The following RFX3 variants were observed in gnomAD, a reference collection of about 807,000 sequenced individuals.
The protein encoded by RFX3 is regulatory factor X3, also known as transcription factor RFX3.
Under a neutral mutation model 98.6 loss-of-function variants are expected in RFX3, and 14 were observed. The observed-to-expected ratio is 0.14, with a 90% CI of 0.09 to 0.22. The LOEUF (loss-of-function observed/expected upper bound fraction) is 0.22. RFX3 is among the 10% of genes least tolerant of loss of function. The probability of loss-of-function intolerance (pLI) is 1.00; values close to 1 mark genes in which losing one functional copy is unlikely to be tolerated. For synonymous variants in RFX3, 383 were observed against 328.4 expected, an observed-to-expected ratio of 1.17 and a Z score of -1.80; for missense variants, 639 against 926.9, an observed-to-expected ratio of 0.69 and a Z score of 4.03.
chr9:3,420,516 C>G (rs561815163), intron 1 of RFX3, among the ~76,000 whole-genome samples: 1 of 152,212 alleles, frequency 6.6e-6, no homozygotes, highest in South Asian at 2.1e-4. Flanking sequence ...TTATTAATAA[C>G]TGTATTTTGC....
At chr9:3,334,632 TGGA>T (rs754590520) in intron 3 of RFX3, among the ~76,000 whole-genome samples, 1 of 151,910 alleles carries the variant, frequency 6.6e-6, no homozygotes, top group Non-Finnish European at 1.5e-5. Flanking sequence ...CGTGCGACTG[TGGA>T]GAAGCCTTGG....
chr9:3,325,911 G>A (rs989413056), intron 4 of RFX3, among the ~76,000 whole-genome samples: 1 of 152,076 alleles, frequency 6.6e-6, no homozygotes, highest in African/African-American at 2.4e-5. Flanking sequence ...GATATAGTTA[G>A]AAGACAGATG....
chr9:3,248,548 A>C (rs928602152), intron 14 of RFX3, among the ~76,000 whole-genome samples: 1 of 152,238 alleles, frequency 6.6e-6, no homozygotes, highest in African/African-American at 2.4e-5. Flanking sequence ...AACTTGAGTG[A>C]AAATCCTATT....
chr9:3,231,746 C>T (rs1282338666), intron 15 of RFX3, among the ~76,000 whole-genome samples: 1 of 151,990 alleles, frequency 6.6e-6, no homozygotes, highest in African/African-American at 2.4e-5. Flanking sequence ...GGCCAGATGA[C>T]AAGATTAGGC....
At chr9:3,232,679 CT>C (rs2130727020) in intron 15 of RFX3, among the ~76,000 whole-genome samples, 1 of 151,826 alleles carries the variant, frequency 6.6e-6, no homozygotes, top group East Asian at 1.9e-4. Context: ...CATCTTACAG[CT>C]ATTGAAAACA....
At chr9:3,429,919 G>A (rs188222267) in intron 1 of RFX3, among the ~76,000 whole-genome samples, 73 of 152,194 alleles carry the variant, frequency 4.8e-4, no homozygotes, top group African/African-American at 1.6e-3. Context: ...TCCAACCCAC[G>A]GCCCACTTGC....
chr9:3,472,120 C>T (rs1041383149), intron 1 of RFX3, among the ~76,000 whole-genome samples: 10 of 152,150 alleles, frequency 6.6e-5, no homozygotes, highest in South Asian at 2.1e-4. Flanking sequence ...GGTTCTGTAA[C>T]GCACTGTATT....
chr9:3,420,748 C>A (rs1438591469), intron 1 of RFX3: 1 of 976,820 alleles, frequency 1.0e-6, no homozygotes, highest in African/African-American at 1.8e-5. Flanking sequence ...TCCATAACTG[C>A]CTTCATTCAT....
At chr9:3,438,621 A>AC (rs34721026) in intron 1 of RFX3, among the ~76,000 whole-genome samples, 27,362 of 151,922 alleles carry the variant, frequency 0.18, 3,460 homozygotes, top group African/African-American at 0.36. Flanking sequence ...GCAAGACACA[A>AC]CAACATGCTG....
At chr9:3,227,984 T>C (rs1352347346) in intron 16 of RFX3, among the ~76,000 whole-genome samples, 1 of 152,088 alleles carries the variant, frequency 6.6e-6, no homozygotes, top group Admixed American at 6.6e-5. Flanking sequence ...AGTGCATAGT[T>C]CTCCCCAGTT....
chr9:3,405,054 T>A (rs754015390), intron 1 of RFX3, among the ~76,000 whole-genome samples: 3 of 152,202 alleles, frequency 2.0e-5, no homozygotes, highest in Admixed American at 6.6e-5. Flanking sequence ...CATTGTACTA[T>A]CAAATTACAC....
rs77133572 is a variant in RFX3 at position 3,275,251 on chromosome 9, C to T, written c.1086+249G>A. 6.4e-4 allele frequency among the ~76,000 whole-genome samples: 98 copies of T among 152,122 alleles called. 1 individual carries two copies. In the East Asian group the frequency reaches 0.016, roughly 25 times the overall value. On this transcript the variant is annotated intron_variant, in intron 9 of 16. Transcript: ENST00000617270. ...CAAATACCTAGAGGTGGAATTGCTA[C>T]GCCAAAGGATTCATATTAGGATAGG...
chr9:3,332,694 G>A (rs1405583970), intron 3 of RFX3, among the ~76,000 whole-genome samples: 1 of 152,160 alleles, frequency 6.6e-6, no homozygotes, highest in Non-Finnish European at 1.5e-5. Context: ...TCATCAGGGG[G>A]TCGTGCCTAC....
intron 2 of RFX3, among the ~76,000 whole-genome samples, chr9:3,366,716 T>TTCTTTCTTTC (rs1837219051): frequency 7.2e-6 from 1 of 139,584 alleles, no homozygotes; most frequent in Non-Finnish European, 1.6e-5. Context: ...CTTTCTTTCT[T>TTCTTTCTTTC]TCTTTCTTTC....
At chr9:3,429,026 T>A (rs1455995395) in intron 1 of RFX3, among the ~76,000 whole-genome samples, 2 of 93,302 alleles carry the variant, frequency 2.1e-5, no homozygotes, top group African/African-American at 6.2e-5. Context: ...TTAGTTACTC[T>A]TTTTTTTTTT....
At chr9:3,521,809 T>G (rs1282190722) in intron 1 of RFX3, among the ~76,000 whole-genome samples, 1 of 152,186 alleles carries the variant, frequency 6.6e-6, no homozygotes, top group Non-Finnish European at 1.5e-5. Context: ...TGACAAAAGT[T>G]AACTTGTCAT....
chr9:3,226,101 T>C (rs1397551185), intron 16 of RFX3, among the ~76,000 whole-genome samples: 1 of 152,202 alleles, frequency 6.6e-6, no homozygotes, highest in Non-Finnish European at 1.5e-5. Context: ...AATGCACATA[T>C]ACAGCTTTAC....
intron 14 of RFX3, among the ~76,000 whole-genome samples, chr9:3,249,037 TGTGA>T (rs1170801032): frequency 6.6e-6 from 1 of 152,124 alleles, no homozygotes; most frequent in Non-Finnish European, 1.5e-5. Flanking sequence ...GATGTGTGTG[TGTGA>T]GTGTGTGTAT....
At chr9:3,465,069 C>A (rs745474803) in intron 1 of RFX3, among the ~76,000 whole-genome samples, 1 of 152,046 alleles carries the variant, frequency 6.6e-6, no homozygotes, top group Non-Finnish European at 1.5e-5. Flanking sequence ...TAAAGGGGTG[C>A]TTTATTAAAA....
Sources: gnomAD v4.1 joint callset for allele counts (sites outside exome capture counted in the v4.1 genomes callset) on GRCh38, gnomAD v4.1.1 for gene constraint, MANE v1.5 for transcripts, NCBI Gene and HGNC (gene_info 2026-07-23, HGNC 2026-07-21) for gene names.